CACNA1S: variants seen among roughly 807,000 people sequenced by gnomAD.
CACNA1S encodes calcium voltage-gated channel subunit alpha1 S, also known as voltage-dependent L-type calcium channel subunit alpha-1S.
Under a neutral mutation model 207.4 loss-of-function variants are expected in CACNA1S, and 126 were observed. That is an observed-to-expected ratio of 0.61 (90% CI 0.53 to 0.70). The LOEUF is 0.70. CACNA1S is among the 30% of genes least tolerant of loss of function. CACNA1S has a pLI of 0.00. For synonymous variants in CACNA1S, 960 were observed against 932.7 expected, an observed-to-expected ratio of 1.03 and a Z score of -0.53; for missense variants, 2,349 against 2,422.8, an observed-to-expected ratio of 0.97 and a Z score of 0.64.
intron 6 of CACNA1S, 122 bp from the exon 7 acceptor site, chr1:201,088,051 G>A: frequency 1.4e-6 from 1 of 728,974 alleles, no homozygotes. Flanking sequence ...GGATATTGAG[G>A]GGACATTTTT....
intron 12 of CACNA1S, 119 bp downstream of exon 12, chr1:201,076,801 C>T (rs527567370): frequency 1.1e-6 from 1 of 939,382 alleles, no homozygotes; most frequent in South Asian, 1.3e-5. Context: ...GGACATTGCA[C>T]TCAACCAGCA....
rs200081141 is a variant in CACNA1S at position 201,110,132 on chromosome 1, C to T, written c.258+32G>A. 9.9e-5 allele frequency: 158 copies of T among 1,590,154 alleles called. 2 individuals carry two copies. The highest frequency in any genetic ancestry group is 2.2e-5 in the Non-Finnish European group (26 of 1,158,200). Reference sequence around the variant, plus strand: ...CTCCCCAAGCCTGGGGCTGCAGGCTCGCAGGAAGGGAGATGGAAGGGCCAA... The same window carrying T: ...CTCCCCAAGCCTGGGGCTGCAGGCTTGCAGGAAGGGAGATGGAAGGGCCAA... On this transcript the variant is annotated intron_variant, in intron 2 of 43. Transcript: ENST00000362061.
chr1:201,048,217 A>G (rs1660536433), intron 36 of CACNA1S, among the ~76,000 whole-genome samples: 1 of 152,182 alleles, frequency 6.6e-6, no homozygotes. Flanking sequence ...CTGCAGATTT[A>G]GTGGAGTCGA....
At chr1:201,106,044 T>C (rs760099800) in intron 2 of CACNA1S, among the ~76,000 whole-genome samples, 2 of 152,150 alleles carry the variant, frequency 1.3e-5, no homozygotes, top group Non-Finnish European at 2.9e-5. Context: ...ACCACACATC[T>C]GAAGTTGAAC....
In CACNA1S at chr1:201,109,171, C is replaced by A. The variant is rs767357696; in HGVS notation, c.258+993G>T. Among the ~76,000 whole-genome samples the A allele has an allele frequency of 3.3e-5, 5 of 151,408 alleles. No homozygotes were observed. In the East Asian group the frequency reaches 9.7e-4, roughly 29 times the overall value. The stretch of plus-strand genomic sequence containing the variant: ...GCTGAGGCAGGAGCATCACTTGAAC[C>A]CAGGAGGCGGAGGTTGCAGTGAGCC... On this transcript the variant is annotated intron_variant, in intron 2 of 43. Coordinates refer to ENST00000362061, the MANE Select transcript of CACNA1S (RefSeq NM_000069.3).
chr1:201,059,055 G>A (rs544469619), intron 27 of CACNA1S, 134 bp downstream of exon 27: 1 of 644,276 alleles, frequency 1.6e-6, no homozygotes, highest in South Asian at 1.8e-5. Context: ...GTGGGCAAAG[G>A]GGTGAGCAAG....
chr1:201,062,382 C>T (rs1406737756), intron 23 of CACNA1S, 80 bp downstream of exon 23: 2 of 1,407,190 alleles, frequency 1.4e-6, no homozygotes, highest in African/African-American at 2.8e-5. Context: ...GTAACCCTCC[C>T]ACAGTGCTCC....
Position 201,061,973 on chromosome 1 carries a change from G to A in CACNA1S, c.3024C>T (p.Phe1008=). 1 of 1,614,238 alleles carries A rather than the reference G, an allele frequency of 6.2e-7. No homozygotes were observed. The change falls in exon 24 of 44, where the codon TTC becomes TTT. Residue 1008 remains phenylalanine (F), a synonymous_variant. Coordinates refer to ENST00000362061, the MANE Select transcript of CACNA1S (RefSeq NM_000069.3). ...GCCATCCCTCGAAGGTGGAGACCGT[G>A]AAGAGGGACATCATGGCTGAGAGCA... ...DNVLSAMMSL[F]TVSTFEGWPQ...
rs775846166 is a variant in CACNA1S, at chr1:201,076,884, C to T, written c.1827+36G>A. The T allele has an allele frequency of 8.9e-6, 14 of 1,578,530 alleles. No individual in the cohort carries two copies. The East Asian group carries it at 1.3e-4, about 15-fold the overall frequency. ...AGGACAAGAAGCAGGATTCAGCAACCGTTCAGAAGGAGGGACACGCAGAGG... is the reference window on the plus strand; with the variant it reads ...AGGACAAGAAGCAGGATTCAGCAACTGTTCAGAAGGAGGGACACGCAGAGG... On this transcript the variant is annotated intron_variant, in intron 12 of 43. Coordinates refer to ENST00000362061, the MANE Select transcript of CACNA1S (RefSeq NM_000069.3).
Position 201,081,950 on chromosome 1 carries a change from G to C in CACNA1S, c.1393+1212C>G, listed in dbSNP as rs185066652. Among the ~76,000 whole-genome samples the C allele has an allele frequency of 1.5e-3, 221 of 151,614 alleles. 1 individual carries two copies. The highest frequency in any genetic ancestry group is 5.3e-3 in the African/African-American group (217 of 41,320). On this transcript the variant is annotated intron_variant, in intron 10 of 43. Transcript: ENST00000362061. Reference sequence around the variant, plus strand: ...CTCCTCAGAAGCTGAGCAGATGCCAGCCCATGTTTTCTGTAAAGCCTGCAG... The same window carrying C: ...CTCCTCAGAAGCTGAGCAGATGCCACCCCATGTTTTCTGTAAAGCCTGCAG...
At chr1:201,098,825 C>T (rs1289104709) in intron 2 of CACNA1S, among the ~76,000 whole-genome samples, 1 of 152,096 alleles carries the variant, frequency 6.6e-6, no homozygotes, top group Non-Finnish European at 1.5e-5. Flanking sequence ...TTACCTCACC[C>T]CCCAACAAGG....
chr1:201,102,695 A>T (rs1042517084), intron 2 of CACNA1S, among the ~76,000 whole-genome samples: 2 of 152,352 alleles, frequency 1.3e-5, no homozygotes, highest in Non-Finnish European at 2.9e-5. Flanking sequence ...GCACAGAGGG[A>T]TTAATTTCTC....
chr1:201,070,365 G>GATCTCA lies in CACNA1S; in HGVS notation c.2266_2267insTGAGAT (p.Pro756delinsLeuArgSer). The GATCTCA allele has an allele frequency of 6.2e-7, 1 of 1,614,048 alleles. No homozygotes were observed. The highest frequency in any genetic ancestry group is 8.5e-7 in the Non-Finnish European group (1 of 1,180,004). On this transcript the variant is annotated protein_altering_variant, in exon 17 of 44. Coordinates refer to ENST00000362061, the MANE Select transcript of CACNA1S (RefSeq NM_000069.3). The stretch of plus-strand genomic sequence containing the variant: ...CAGCTCAGCCAGGGGACGTGGTCGG[G>GATCTCA]GGCTCAGCGGGATCTCAGGCTCATC...
intron 22 of CACNA1S, among the ~76,000 whole-genome samples, chr1:201,063,943 CCA>C (rs1661153787): frequency 6.6e-6 from 1 of 152,174 alleles, no homozygotes; most frequent in Non-Finnish European, 1.5e-5. Flanking sequence ...CGTGGTGTTT[CCA>C]CAGAGTCAAA....
At chr1:201,043,235 T>C in intron 40 of CACNA1S, 46 bp downstream of exon 40, 3 of 1,613,002 alleles carry the variant, frequency 1.9e-6, no homozygotes, top group Non-Finnish European at 2.5e-6. Flanking sequence ...GCTGACATTG[T>C]CCTCCCAGTA....
chr1:201,059,316 G>A lies in CACNA1S; in HGVS notation c.3415-17C>T. ...GTTGTAGTGCTGTGGAGGGGACACA[G>A]GAGCAGTGGGTCAGGGGGGCCGGGT... On this transcript the variant is annotated splice_polypyrimidine_tract_variant and intron_variant, in intron 26 of 43. Coordinates refer to ENST00000362061, the MANE Select transcript of CACNA1S (RefSeq NM_000069.3). 6.4e-7 allele frequency: 1 copy of A among 1,561,116 alleles called. No individual in the cohort carries two copies. Among genetic ancestry groups the A allele is most frequent in the African/African-American group, 1.4e-5 (1 of 73,966 alleles).
intron 2 of CACNA1S, among the ~76,000 whole-genome samples, chr1:201,107,032 A>C (rs1261987795): frequency 6.6e-6 from 1 of 152,246 alleles, no homozygotes; most frequent in Admixed American, 6.5e-5. Flanking sequence ...CCCAGAGGGC[A>C]AAACATCAAG....
intron 23 of CACNA1S, 128 bp downstream of exon 23, chr1:201,062,334 C>A: frequency 1.9e-6 from 2 of 1,043,750 alleles, no homozygotes; most frequent in Non-Finnish European, 3.0e-6. Context: ...CAGTCCCCTG[C>A]CCTGTGATCG....
At chr1:201,109,859 A>G (rs1663031509) in intron 2 of CACNA1S, among the ~76,000 whole-genome samples, 1 of 152,172 alleles carries the variant, frequency 6.6e-6, no homozygotes, top group Admixed American at 6.5e-5. Context: ...GTCAAATGGA[A>G]CCACTTTATG....
Sources: gnomAD v4.1 joint callset for allele counts (sites outside exome capture counted in the v4.1 genomes callset) on GRCh38, gnomAD v4.1.1 for gene constraint, MANE v1.5 for transcripts, NCBI Gene and HGNC (gene_info 2026-07-23, HGNC 2026-07-21) for gene names.